Variants in RBFOX1 observed in about 807,000 individuals in gnomAD.
The protein encoded by RBFOX1 is RNA binding protein fox-1 homolog 1.
A neutral mutation model predicts 57.7 loss-of-function variants in RBFOX1; 8 were observed. The observed-to-expected ratio is 0.14, with a 90% CI of 0.08 to 0.25. The LOEUF (loss-of-function observed/expected upper bound fraction) is 0.25, where lower values mean the gene tolerates loss of function less well. Among genes scored for constraint, RBFOX1 ranks in the 10% least tolerant of loss-of-function variants. The pLI is 1.00. For missense variants in RBFOX1, 611 were observed against 548.5 expected (o/e 1.11, Z -1.14); for synonymous variants, 326 against 222.4 (o/e 1.47, Z -4.15).
chr16:6,215,900 G>T (rs768582474), intron 1 of RBFOX1, among the ~76,000 whole-genome samples: 1 of 152,120 alleles, frequency 6.6e-6, no homozygotes, highest in Non-Finnish European at 1.5e-5. Context: ...CAAGATGGTT[G>T]CAGTGGAGTA....
intron 1 of RBFOX1, among the ~76,000 whole-genome samples, chr16:5,307,738 A>G (rs1164981574): frequency 1.3e-5 from 2 of 152,162 alleles, no homozygotes; most frequent in Non-Finnish European, 2.9e-5. Flanking sequence ...TGCAGGCACC[A>G]TCATATCTTA....
chr16:7,213,685 T>G (rs796515969), intron 4 of RBFOX1, among the ~76,000 whole-genome samples: 7 of 152,310 alleles, frequency 4.6e-5, no homozygotes, highest in African/African-American at 1.7e-4. Context: ...AGCCCTGATA[T>G]TGTCCCATTT....
At chr16:6,908,181 G>A (rs563891146) in intron 3 of RBFOX1, among the ~76,000 whole-genome samples, 100 of 151,794 alleles carry the variant, frequency 6.6e-4, no homozygotes, top group African/African-American at 2.1e-3. Flanking sequence ...CCCTACATCC[G>A]TGCAGTTCAG....
intron 4 of RBFOX1, among the ~76,000 whole-genome samples, chr16:7,288,747 A>G (rs537274962): frequency 5.9e-5 from 9 of 152,234 alleles, no homozygotes; most frequent in Non-Finnish European, 1.0e-4. Context: ...AGGCTGAGGC[A>G]GGAGAATCAC....
At chr16:7,510,949 C>A (rs1038399779) in intron 4 of RBFOX1, among the ~76,000 whole-genome samples, 9 of 152,080 alleles carry the variant, frequency 5.9e-5, no homozygotes, top group Non-Finnish European at 4.4e-5. Context: ...AGGAGGTTCT[C>A]CACAGCAGGA....
At chr16:7,640,085 G>C (rs949626298) in intron 11 of RBFOX1, among the ~76,000 whole-genome samples, 12 of 152,150 alleles carry the variant, frequency 7.9e-5, no homozygotes, top group African/African-American at 2.9e-4. Context: ...TATTAACTTA[G>C]TTATTCCACC....
At position 5,946,556 on chromosome 16, in the gene RBFOX1, T is replaced by TA. The variant is rs1392445393; in HGVS notation, c.351+79221_351+79222insA. ...CCCCGTATCTCACTCTATGCATATT[T>TA]TTTTCCAACTGGGTGTTCCTGAGTT... On this transcript the variant is annotated intron_variant, in intron 4 of 19. Transcript: ENST00000641259. The surrounding 1 kb of genome is among the most constrained non-coding windows in gnomAD (Gnocchi z 4.6). 2.6e-5 allele frequency among the ~76,000 whole-genome samples: 4 copies of TA among 151,862 alleles called. No individual in the cohort carries two copies. Among genetic ancestry groups the TA allele is most frequent in the Admixed American group, 2.6e-4 (4 of 15,246 alleles).
At chr16:5,565,268 T>C (rs536115256) in intron 2 of RBFOX1, among the ~76,000 whole-genome samples, 151 of 152,270 alleles carry the variant, frequency 9.9e-4, no homozygotes, top group African/African-American at 3.6e-3. Context: ...TGTGTGTGTG[T>C]GCGTGTGTGC....
intron 3 of RBFOX1, among the ~76,000 whole-genome samples, chr16:5,641,719 G>C (rs1300411339): frequency 6.6e-6 from 1 of 152,180 alleles, no homozygotes; most frequent in Non-Finnish European, 1.5e-5. Flanking sequence ...CTTTGTCTTA[G>C]GAATAGCAAG....
At chr16:7,200,204 G>C (rs184690560) in intron 4 of RBFOX1, among the ~76,000 whole-genome samples, 6 of 152,334 alleles carry the variant, frequency 3.9e-5, no homozygotes, top group African/African-American at 1.4e-4. Flanking sequence ...GTGACTTTTA[G>C]AAAGGAAACT....
At chr16:6,072,715 A>G (rs2095851892) in intron 1 of RBFOX1, among the ~76,000 whole-genome samples, 1 of 151,586 alleles carries the variant, frequency 6.6e-6, no homozygotes, top group East Asian at 1.9e-4. Context: ...CCCTATGTTT[A>G]GTGAGCTGTA....
At chr16:7,266,529 C>T (rs1311435325) in intron 4 of RBFOX1, among the ~76,000 whole-genome samples, 1 of 152,156 alleles carries the variant, frequency 6.6e-6, no homozygotes, top group African/African-American at 2.4e-5. Context: ...AATGCAAGAA[C>T]AACCTATTAC....
chr16:5,960,663 A>C (rs2059729600), intron 4 of RBFOX1, among the ~76,000 whole-genome samples: 1 of 152,188 alleles, frequency 6.6e-6, no homozygotes, highest in Non-Finnish European at 1.5e-5. Context: ...TGGGGAGTTA[A>C]GAAGTGGCCT....
intron 4 of RBFOX1, among the ~76,000 whole-genome samples, chr16:5,915,754 C>T (rs1056587473): frequency 6.6e-6 from 1 of 152,080 alleles, no homozygotes; most frequent in African/African-American, 2.4e-5. Context: ...ATTGCTTGAA[C>T]CCTTGAGGTG....
At chr16:7,390,681 GAATC>G (rs1056670545) in intron 4 of RBFOX1, among the ~76,000 whole-genome samples, 1 of 152,152 alleles carries the variant, frequency 6.6e-6, no homozygotes, top group African/African-American at 2.4e-5. Context: ...TTGATGAAAA[GAATC>G]AATATGCTGT....
intron 2 of RBFOX1, among the ~76,000 whole-genome samples, chr16:5,555,825 G>T (rs757263534): frequency 6.6e-6 from 1 of 151,794 alleles, no homozygotes; most frequent in Admixed American, 6.6e-5. Flanking sequence ...AGTTCGAGAC[G>T]AGCCTCACCA....
chr16:5,448,471 G>A (rs1262348125), intron 1 of RBFOX1, among the ~76,000 whole-genome samples: 1 of 152,204 alleles, frequency 6.6e-6, no homozygotes, highest in African/African-American at 2.4e-5. Flanking sequence ...GTTAAACAGA[G>A]CATTTCCCTG....
intron 1 of RBFOX1, among the ~76,000 whole-genome samples, chr16:6,262,172 C>T (rs1211083089): frequency 6.6e-6 from 1 of 152,154 alleles, no homozygotes; most frequent in East Asian, 1.9e-4. Context: ...TTGGTTTCTG[C>T]CTTCCCATCC....
intron 4 of RBFOX1, among the ~76,000 whole-genome samples, chr16:7,230,450 T>G (rs1008846501): frequency 1.3e-5 from 2 of 152,148 alleles, no homozygotes; most frequent in African/African-American, 4.8e-5. Context: ...GATTTTGAGA[T>G]GTAGATCAGC....
Sources: allele counts gnomAD v4.1 joint callset (sites outside exome capture counted in the v4.1 genomes callset), GRCh38; gene constraint gnomAD v4.1.1; non-coding constraint Gnocchi (gnomAD v3.1); transcripts MANE v1.5; gene names NCBI Gene and HGNC (gene_info 2026-07-23, HGNC 2026-07-21).